Variants in PPIL6 observed in about 807,000 individuals in gnomAD.
PPIL6 encodes peptidylprolyl isomerase like 6.
A neutral mutation model predicts 36.8 loss-of-function variants in PPIL6; 39 were observed. The ratio of observed to expected loss-of-function variants is 1.06; its 90% CI spans 0.82 to 1.38. The LOEUF (loss-of-function observed/expected upper bound fraction) is 1.38, where lower values mean the gene tolerates loss of function less well. Among genes scored for constraint, PPIL6 ranks in the 40% most tolerant of loss-of-function variants. The pLI is 0.00. For missense variants in PPIL6, 368 were observed against 379.1 expected (o/e 0.97, Z 0.24); for synonymous variants, 123 against 134.1 (o/e 0.92, Z 0.57).
At chr6:109,423,509 T>C (rs1773659199) in intron 5 of PPIL6, among the ~76,000 whole-genome samples, 1 of 152,138 alleles carries the variant, frequency 6.6e-6, no homozygotes, top group Non-Finnish European at 1.5e-5. Flanking sequence ...TAGGTTTAAT[T>C]GTTAATAGTT....
chr6:109,440,602 G>C lies in PPIL6; in HGVS notation c.-12C>G, dbSNP rs1383598372. 5 of 1,333,928 alleles carry C rather than the reference G, an allele frequency of 3.7e-6. No homozygotes were observed. The highest frequency in any genetic ancestry group is 3.8e-6 in the Non-Finnish European group (4 of 1,044,260). The allele number at this position is 1,333,928 out of a possible 1,614,324, so 82.6% of individuals were successfully genotyped here. On this transcript the variant is annotated 5_prime_UTR_variant, in exon 1 of 8. Transcript: ENST00000521072. Reference sequence around the variant, plus strand: ...TGCGGCCTTGCCATGGCCGCGCCCGGGGACGCCCGGTGACCCCAAACACTG... The same window carrying C: ...TGCGGCCTTGCCATGGCCGCGCCCGCGGACGCCCGGTGACCCCAAACACTG...
chr6:109,440,752 C>T (rs1431135496), upstream of PPIL6: 2 of 396,082 alleles, frequency 5.0e-6, no homozygotes, highest in African/African-American at 4.3e-5. Context: ...TGCTGGGCCG[C>T]CGGCGCGCGG....
chr6:109,432,537 T>C (rs1774214595), intron 2 of PPIL6, among the ~76,000 whole-genome samples: 1 of 152,184 alleles, frequency 6.6e-6, no homozygotes, highest in African/African-American at 2.4e-5. Context: ...GAGATTCTCA[T>C]TGATCTCAGA....
chr6:109,399,957 A>G, intron 7 of PPIL6, 78 bp downstream of exon 7: 1 of 1,260,960 alleles, frequency 7.9e-7, no homozygotes, highest in Non-Finnish European at 1.1e-6. Context: ...TACACTATAT[A>G]CAATACTTAT....
At chr6:109,420,855 G>A (rs896622053) in intron 5 of PPIL6, among the ~76,000 whole-genome samples, 6 of 152,226 alleles carry the variant, frequency 3.9e-5, no homozygotes, top group Admixed American at 3.3e-4. Flanking sequence ...AGGCCATGCA[G>A]CATTTAAATT....
chr6:109,403,100 C>CA (rs1401477222), intron 6 of PPIL6: 1 of 1,520,900 alleles, frequency 6.6e-7, no homozygotes. Flanking sequence ...TTCAAGCTTC[C>CA]ATAAAGCTCT....
intron 1 of PPIL6, among the ~76,000 whole-genome samples, chr6:109,439,686 G>C (rs887608063): frequency 6.6e-6 from 1 of 152,138 alleles, no homozygotes; most frequent in African/African-American, 2.4e-5. Flanking sequence ...TGGGTACTTC[G>C]GGAGTTAAAA....
chr6:109,400,239 G>T, intron 6 of PPIL6, 69 bp from the exon 7 acceptor site: 1 of 1,244,460 alleles, frequency 8.0e-7, no homozygotes, highest in Non-Finnish European at 1.1e-6. Flanking sequence ...AACATATAAG[G>T]AACAAATAGA....
At position 109,440,598 on chromosome 6, in the gene PPIL6, C is replaced by G; in HGVS notation, c.-8G>C. 1 of 1,333,946 alleles carries G rather than the reference C, an allele frequency of 7.5e-7. No individual in the cohort carries two copies. Among genetic ancestry groups the G allele is most frequent in the Non-Finnish European group, 9.6e-7 (1 of 1,044,078 alleles). 82.6% of individuals were successfully genotyped at this position (1,333,946 alleles called of 1,614,324 possible). A position where few individuals can be genotyped will look rare whatever the true frequency, so the allele number is the denominator to read the frequency against. ...CGGCTGCGGCCTTGCCATGGCCGCG[C>G]CCGGGGACGCCCGGTGACCCCAAAC... On this transcript the variant is annotated 5_prime_UTR_variant, in exon 1 of 8. Coordinates refer to ENST00000521072, the MANE Select transcript of PPIL6 (RefSeq NM_173672.5).
intron 6 of PPIL6, among the ~76,000 whole-genome samples, chr6:109,400,688 C>T (rs1218442618): frequency 6.6e-6 from 1 of 152,106 alleles, no homozygotes; most frequent in South Asian, 2.1e-4. Flanking sequence ...AAGGCAGGAA[C>T]CTTGTCTCCT....
At chr6:109,437,676 T>C (rs1774529065) in intron 1 of PPIL6, among the ~76,000 whole-genome samples, 2 of 145,234 alleles carry the variant, frequency 1.4e-5, no homozygotes, top group Admixed American at 1.4e-4. Context: ...TACCTCAGCC[T>C]CCCAAGTAGC....
At chr6:109,440,633 C>T, upstream of PPIL6, 2 of 1,197,880 alleles carry the variant, frequency 1.7e-6, no homozygotes, top group Non-Finnish European at 2.1e-6. Context: ...CACTGCGCGT[C>T]GCTCCGGCAA....
chr6:109,441,110 A>C, upstream of PPIL6: 1 of 1,613,998 alleles, frequency 6.2e-7, no homozygotes, highest in Non-Finnish European at 8.5e-7. Context: ...GCGCCCCTGG[A>C]GCTCCCCAAC....
At chr6:109,396,098 G>C (rs776521524) in intron 7 of PPIL6, among the ~76,000 whole-genome samples, 1 of 152,078 alleles carries the variant, frequency 6.6e-6, no homozygotes, top group Admixed American at 6.5e-5. Flanking sequence ...GACTCCCAAA[G>C]TGCTTCTCTA....
intron 2 of PPIL6, 138 bp downstream of exon 2, chr6:109,435,966 A>G: frequency 1.4e-6 from 1 of 706,340 alleles, no homozygotes; most frequent in South Asian, 1.6e-5. Context: ...AATACAATTT[A>G]GGAAAAGTAC....
rs58424410 is a variant in PPIL6, at chr6:109,431,362, CA to C, written c.232-18del. 36,486 of 1,057,020 alleles carry C rather than the reference CA, an allele frequency of 0.035. 1 individual carries two copies. Among genetic ancestry groups the C allele is most frequent in the Non-Finnish European group, 0.038 (30,404 of 793,200 alleles). 65.5% of individuals were successfully genotyped at this position (1,057,020 alleles called of 1,614,324 possible). On this transcript the variant is annotated intron_variant, in intron 2 of 7. Coordinates refer to ENST00000521072, the MANE Select transcript of PPIL6 (RefSeq NM_173672.5). ...TTTGAGTTCCTGTAAGGGAAAAGGA[CA>C]AAAAAAAAAAAAAACGTAAGAAGTG...
At chr6:109,422,581 CCT>C (rs1472257779) in intron 5 of PPIL6, among the ~76,000 whole-genome samples, 1 of 151,380 alleles carries the variant, frequency 6.6e-6, no homozygotes, top group African/African-American at 2.4e-5. Context: ...AGAACAAGAC[CCT>C]GTCTCAAAAA....
At chr6:109,430,890 A>T (rs1349903748) in intron 3 of PPIL6, among the ~76,000 whole-genome samples, 1 of 152,184 alleles carries the variant, frequency 6.6e-6, no homozygotes, top group Admixed American at 6.5e-5. Context: ...ATATTTTAAA[A>T]TAGGTAATTC....
chr6:109,411,765 G>A (rs995483210), intron 6 of PPIL6, among the ~76,000 whole-genome samples: 1 of 152,224 alleles, frequency 6.6e-6, no homozygotes, highest in Non-Finnish European at 1.5e-5. Context: ...CTGACCTGGA[G>A]AATGAAAGTG....
Sources: gnomAD v4.1 joint callset for allele counts (sites outside exome capture counted in the v4.1 genomes callset) on GRCh38, gnomAD v4.1.1 for gene constraint, MANE v1.5 for transcripts, NCBI Gene and HGNC (gene_info 2026-07-23, HGNC 2026-07-21) for gene names.